The following ZNF248 variants were observed in gnomAD, a reference collection of about 807,000 sequenced individuals.
ZNF248 encodes KRAB protein domain.
Under a neutral mutation model 44.3 loss-of-function variants are expected in ZNF248, and 20 were observed. The ratio of observed to expected loss-of-function variants is 0.45; its 90% CI spans 0.32 to 0.66. The LOEUF (loss-of-function observed/expected upper bound fraction) is 0.66. ZNF248 is among the 30% of genes least tolerant of loss of function. The probability of loss-of-function intolerance (pLI) is 0.04; values close to 1 mark genes in which losing one functional copy is unlikely to be tolerated. For missense variants in ZNF248, 654 were observed against 677.0 expected (o/e 0.97, Z 0.38); for synonymous variants, 224 against 229.0 (o/e 0.98, Z 0.20).
chr10:37,796,569 G>C (rs147472770), intron 6 of ZNF248, among the ~76,000 whole-genome samples: 73 of 152,152 alleles, frequency 4.8e-4, no homozygotes, highest in African/African-American at 1.7e-3. Context: ...ATCTATCGTT[G>C]TGTCAAGACT....
intron 3 of ZNF248, among the ~76,000 whole-genome samples, chr10:37,851,970 G>A (rs771162651): frequency 2.0e-5 from 3 of 151,992 alleles, no homozygotes; most frequent in Admixed American, 6.6e-5. Context: ...ATATCCAGCC[G>A]GGCGCGGTGG....
At chr10:37,805,341 A>G (rs966037323) in intron 6 of ZNF248, among the ~76,000 whole-genome samples, 10 of 152,340 alleles carry the variant, frequency 6.6e-5, no homozygotes, top group African/African-American at 2.4e-4. Flanking sequence ...TCTGAATGCT[A>G]GTACTAATGA....
At chr10:37,819,227 T>C in intron 6 of ZNF248, 1 of 833,704 alleles carries the variant, frequency 1.2e-6, no homozygotes, top group South Asian at 1.3e-5. Flanking sequence ...CCAGGCCTCT[T>C]TCTCTGACAT....
rs138449756 is a variant in ZNF248, at chr10:37,832,629, A to G, written c.726T>C (p.Cys242=). The change falls in exon 6 of 6, where the codon TGT becomes TGC. Residue 242 remains cysteine (C), a synonymous_variant. Transcript: ENST00000395867. Reference sequence around the variant, plus strand: ...AGGTTCTTCCACATTCGTTATATTTACAGACTGTCTCTCCTATCTGAGATC... The same window carrying G: ...AGGTTCTTCCACATTCGTTATATTTGCAGACTGTCTCTCCTATCTGAGATC... ...NKRSQIGETV[C]KYNECGRTFI... 3.7e-5 allele frequency: 60 copies of G among 1,613,422 alleles called. No individual in the cohort carries two copies. In the Middle Eastern group the frequency reaches 8.2e-4, roughly 22 times the overall value.
chr10:37,773,068 G>A (rs11011363), downstream of ZNF248, among the ~76,000 whole-genome samples: 16,604 of 152,128 alleles, frequency 0.11, 1,167 homozygotes, highest in Admixed American at 0.19. Flanking sequence ...CCAACATGGC[G>A]AAACCCCGTC....
intron 6 of ZNF248, chr10:37,820,794 A>C (rs749965494): frequency 8.5e-6 from 10 of 1,177,970 alleles, no homozygotes; most frequent in African/African-American, 1.5e-5. Flanking sequence ...ACTCTCCTTC[A>C]TTTTGCCTTT....
chr10:37,768,031 G>A, the ZNF248 span, among the ~76,000 whole-genome samples: 10 of 152,246 alleles, frequency 6.6e-5, no homozygotes, highest in South Asian at 1.9e-3. Context: ...GACAAAGAAG[G>A]CCATTACGTA....
downstream of ZNF248, among the ~76,000 whole-genome samples, chr10:37,825,324 T>C (rs2054204257): frequency 6.6e-6 from 1 of 152,128 alleles, no homozygotes; most frequent in Non-Finnish European, 1.5e-5. Flanking sequence ...TGTAGAAAAT[T>C]TAGAAACTAA....
chr10:37,856,116 A>G (rs945861441), intron 3 of ZNF248, among the ~76,000 whole-genome samples, 180 bp downstream of exon 3: 4 of 152,256 alleles, frequency 2.6e-5, no homozygotes, highest in African/African-American at 9.6e-5. Context: ...TAATTCTGCA[A>G]AATTAAAAAT....
intron 5 of ZNF248, among the ~76,000 whole-genome samples, chr10:37,834,679 T>C (rs905724648): frequency 2.0e-5 from 3 of 152,202 alleles, no homozygotes; most frequent in African/African-American, 7.2e-5. Flanking sequence ...TCATAAAATC[T>C]GGGCTATTTA....
the ZNF248 span, among the ~76,000 whole-genome samples, chr10:37,769,779 T>G: frequency 2.0e-5 from 3 of 152,094 alleles, no homozygotes; most frequent in African/African-American, 7.2e-5. Context: ...CCAGGGCAAT[T>G]AGGCAGGAGA....
chr10:37,767,252 C>T, the ZNF248 span, among the ~76,000 whole-genome samples: 2 of 152,086 alleles, frequency 1.3e-5, no homozygotes, highest in Non-Finnish European at 2.9e-5. Flanking sequence ...GGCCAACGTT[C>T]AGATTCAGGA....
Position 37,832,788 on chromosome 10 carries a change from A to G in ZNF248, c.567T>C (p.Ser189=). The change falls in exon 6 of 6, where the codon TCT becomes TCC. Residue 189 remains serine, a synonymous_variant. Transcript: ENST00000395867. ...RHEKIPIGEK[S]YKYDQKRNAI... ...CATTCCTTTTTTGATCATATTTATAAGACTTCTCTCCAATAGGGATTTTCT... is the reference window on the plus strand; with the variant it reads ...CATTCCTTTTTTGATCATATTTATAGGACTTCTCTCCAATAGGGATTTTCT... 1 of 1,613,806 alleles carries G rather than the reference A, an allele frequency of 6.2e-7. No individual in the cohort carries two copies. Among genetic ancestry groups the G allele is most frequent in the Non-Finnish European group, 8.5e-7 (1 of 1,179,868 alleles).
At position 37,830,120 on chromosome 10, in the gene ZNF248, T is replaced by C. The variant is rs193218953; in HGVS notation, c.*1495A>G. ...AGACCGTGCCCAAACAGATACACAATGAAAAATCAAGGATATCAAAAGGGC... is the reference window on the plus strand; with the variant it reads ...AGACCGTGCCCAAACAGATACACAACGAAAAATCAAGGATATCAAAAGGGC... On this transcript the variant is annotated 3_prime_UTR_variant, in exon 6 of 6. Coordinates refer to ENST00000395867, the MANE Select transcript of ZNF248 (RefSeq NM_021045.3). 9.3e-4 allele frequency: 913 copies of C among 985,382 alleles called. 1 individual carries two copies. Among genetic ancestry groups the C allele is most frequent in the Non-Finnish European group, 1.1e-3 (872 of 829,914 alleles). The allele number at this position is 985,382 out of a possible 1,614,324, so 61.0% of individuals were successfully genotyped here. A position where few individuals can be genotyped will look rare whatever the true frequency, so the allele number is the denominator to read the frequency against.
At chr10:37,798,049 G>T (rs2049358433) in intron 6 of ZNF248, among the ~76,000 whole-genome samples, 1 of 151,970 alleles carries the variant, frequency 6.6e-6, no homozygotes, top group African/African-American at 2.4e-5. Context: ...ATAGCCAAAA[G>T]GTGGAAACAA....
chr10:37,806,747 GATA>G (rs2050619449), intron 6 of ZNF248, among the ~76,000 whole-genome samples: 1 of 151,944 alleles, frequency 6.6e-6, no homozygotes, highest in African/African-American at 2.4e-5. Flanking sequence ...TATAAATTTT[GATA>G]AAGTAAAATT....
chr10:37,852,670 ATATT>A lies in ZNF248; in HGVS notation c.15+3622_15+3625del, dbSNP rs570539415. Reference sequence around the variant, plus strand: ...AGATATAGATATATAGATACAATATATATTTATATATGTTATATATGTAAAATAT... The same window carrying A: ...AGATATAGATATATAGATACAATATATATATATGTTATATATGTAAAATAT... On this transcript the variant is annotated intron_variant, in intron 3 of 5. Transcript: ENST00000395867. 1.3e-4 allele frequency among the ~76,000 whole-genome samples: 19 copies of A among 149,030 alleles called. No individual in the cohort carries two copies. In the South Asian group the frequency reaches 4.0e-3, roughly 31 times the overall value.
At chr10:37,808,479 T>A (rs2050950155) in intron 6 of ZNF248, among the ~76,000 whole-genome samples, 1 of 151,900 alleles carries the variant, frequency 6.6e-6, no homozygotes, top group South Asian at 2.1e-4. Flanking sequence ...GAGATGGAGT[T>A]TCGCCATGTT....
At chr10:37,818,943 A>C (rs2053009311) in intron 6 of ZNF248, 1 of 1,104,538 alleles carries the variant, frequency 9.1e-7, no homozygotes, top group South Asian at 1.2e-5. Context: ...CAACAATTTT[A>C]TTTGAGATCT....
Sources: allele counts gnomAD v4.1 joint callset (sites outside exome capture counted in the v4.1 genomes callset), GRCh38; gene constraint gnomAD v4.1.1; transcripts MANE v1.5; gene names NCBI Gene and HGNC (gene_info 2026-07-23, HGNC 2026-07-21).